Variants in FMNL1 observed in about 807,000 individuals in gnomAD.
FMNL1 encodes formin like 1, also known as formin-like protein 1.
A neutral mutation model predicts 121.3 loss-of-function variants in FMNL1; 43 were observed. That is an observed-to-expected ratio of 0.35 (90% confidence interval 0.28 to 0.46). FMNL1 has a LOEUF of 0.46. FMNL1 is among the 20% of genes least tolerant of loss of function. FMNL1 has a pLI of 1.00. For synonymous variants in FMNL1, 613 were observed against 613.5 expected (o/e 1.00, Z 0.01); for missense variants, 1,191 against 1,482.4 (o/e 0.80, Z 3.23).
At chr17:45,242,280 G>GC (rs2043723749) in intron 15 of FMNL1, 61 bp from the exon 16 acceptor site, 17 of 1,595,280 alleles carry the variant, frequency 1.1e-5, no homozygotes, top group Non-Finnish European at 1.5e-5. Context: ...CCCTCCCTGG[G>GC]CCCAGGTTCC....
At chr17:45,232,055 TCCCA>T (rs2043450373) in intron 2 of FMNL1, among the ~76,000 whole-genome samples, 1 of 152,104 alleles carries the variant, frequency 6.6e-6, no homozygotes, top group Non-Finnish European at 1.5e-5. Context: ...ACACCCGTAG[TCCCA>T]GCTACCTGGG....
rs2043698138 is a variant in FMNL1, at chr17:45,241,637, G to A, written c.1585+3G>A. ...GCCGACCGGCTCCCCCAGCCCAGGT[G>A]CGCAGGAGCTTCAGGCTGGCGGGGA... On this transcript the variant is annotated splice_donor_region_variant and intron_variant, in intron 14 of 26. Transcript: ENST00000331495. This position sits in a 1 kb window ranked among gnomAD's most constrained non-coding sequence, Gnocchi z 7.0. 6.7e-7 allele frequency: 1 copy of A among 1,496,276 alleles called. No homozygotes were observed. The highest frequency in any genetic ancestry group is 8.9e-7 in the Non-Finnish European group (1 of 1,123,136). 92.7% of individuals were successfully genotyped at this position (1,496,276 alleles called of 1,614,324 possible). A position where few individuals can be genotyped will look rare whatever the true frequency, so the allele number is the denominator to read the frequency against.
At chr17:45,228,186 G>A (rs534576398) in intron 1 of FMNL1, among the ~76,000 whole-genome samples, 4 of 152,336 alleles carry the variant, frequency 2.6e-5, no homozygotes, top group South Asian at 2.1e-4. Flanking sequence ...CTGGCTCCTC[G>A]GTGGGCACAG....
Position 45,241,964 on chromosome 17 carries a change from T to C in FMNL1, c.1703T>C (p.Leu568Pro). ...PPSAPPQAPP[L>P]PGSPEPPPAP... is the part of the protein sequence containing the mutation. ...TCTGCGCCCCCACAGGCCCCGCCTC[T>C]CCCTGGCAGCCCGGAGCCCCCGCCT... Residue 568 changes from leucine (L) to proline (P), a missense_variant, in exon 15 of 27, where the codon CTC (leucine) becomes CCC (proline). Physicochemically the swap from Leu to Pro is moderately conservative, Grantham distance 98. This residue lies in a region of FMNL1 where 519 missense variants were observed against 492.8 expected (regional missense o/e 1.05). Coordinates refer to ENST00000331495, the MANE Select transcript of FMNL1 (RefSeq NM_005892.4). The surrounding 1 kb of genome is among the most constrained non-coding windows in gnomAD (Gnocchi z 7.0). 1 of 1,309,582 alleles carries C rather than the reference T, an allele frequency of 7.6e-7. No individual in the cohort carries two copies. Among genetic ancestry groups the C allele is most frequent in the Non-Finnish European group, 9.7e-7 (1 of 1,035,408 alleles). 81.1% of individuals were successfully genotyped at this position (1,309,582 alleles called of 1,614,324 possible). A position where few individuals can be genotyped will look rare whatever the true frequency, so the allele number is the denominator to read the frequency against.
At chr17:45,229,447 G>A (rs1290131357) in intron 1 of FMNL1, among the ~76,000 whole-genome samples, 4 of 152,246 alleles carry the variant, frequency 2.6e-5, no homozygotes, top group African/African-American at 9.6e-5. Flanking sequence ...TCTCTGCAGA[G>A]CCACATGACT....
intron 1 of FMNL1, among the ~76,000 whole-genome samples, chr17:45,226,166 G>C (rs1052477939): frequency 2.6e-5 from 4 of 152,232 alleles, no homozygotes; most frequent in African/African-American, 9.6e-5. Context: ...CAGCAGTGGG[G>C]CCCAGACCGA....
At position 45,245,125 on chromosome 17, in the gene FMNL1, T is replaced by C; in HGVS notation, c.2728+17T>C. 1 of 1,613,004 alleles carries C rather than the reference T, an allele frequency of 6.2e-7. No homozygotes were observed. On this transcript the variant is annotated intron_variant, in intron 21 of 26. Transcript: ENST00000331495. ...CGGGCTCAGGTAGGAGACACACAGA[T>C]CCTTGGGTGTGGGGAGGGGCCGTGG...
Position 45,233,850 on chromosome 17 carries a change from C to T in FMNL1, c.485+119C>T. The T allele has an allele frequency of 7.1e-7, 1 of 1,415,058 alleles. No individual in the cohort carries two copies. Among genetic ancestry groups the T allele is most frequent in the Non-Finnish European group, 9.6e-7 (1 of 1,043,004 alleles). The allele number at this position is 1,415,058 out of a possible 1,614,324, so 87.7% of individuals were successfully genotyped here. ...AGGCAGCCCGAGCCTACCCTGGAACCCTCCACTTGGCCTTGAGCGATGCTC... is the reference window on the plus strand; with the variant it reads ...AGGCAGCCCGAGCCTACCCTGGAACTCTCCACTTGGCCTTGAGCGATGCTC... On this transcript the variant is annotated intron_variant, in intron 5 of 26. Transcript: ENST00000331495. The surrounding 1 kb of genome is among the most constrained non-coding windows in gnomAD (Gnocchi z 4.1).
chr17:45,236,814 AAAAT>A (rs538727376), intron 7 of FMNL1, among the ~76,000 whole-genome samples: 89 of 152,314 alleles, frequency 5.8e-4, no homozygotes, highest in Non-Finnish European at 8.2e-4. Flanking sequence ...AAAAAAATAA[AAAAT>A]AAATAAAGAG....
intron 1 of FMNL1, among the ~76,000 whole-genome samples, chr17:45,226,261 G>A (rs1392483833): frequency 6.6e-6 from 1 of 152,222 alleles, no homozygotes; most frequent in Non-Finnish European, 1.5e-5. Context: ...CGGTAGCAGT[G>A]TGCACATGGG....
At chr17:45,240,412 T>C (rs1286756143) in intron 11 of FMNL1, 64 bp from the exon 12 acceptor site, 5 of 1,471,338 alleles carry the variant, frequency 3.4e-6, no homozygotes, top group Non-Finnish European at 4.5e-6. Context: ...AGGGGGGTGG[T>C]TTGGAAAGAC....
chr17:45,239,153 T>C (rs1023995), intron 11 of FMNL1, 88 bp downstream of exon 11: 786,239 of 1,102,726 alleles, frequency 0.71, 283,296 homozygotes, highest in African/African-American at 0.92. Flanking sequence ...TGGGGTCAGG[T>C]AGACCTGGGT....
At position 45,234,104 on chromosome 17, in the gene FMNL1, C is replaced by T; in HGVS notation, c.518C>T (p.Ser173Phe). Reference sequence around the variant, plus strand: ...ATGGAGAGCACAGACAACGGGGCTTCCAACTCAGAGAAAAACAAGCCCCTG... The same window carrying T: ...ATGGAGAGCACAGACAACGGGGCTTTCAACTCAGAGAAAAACAAGCCCCTG... Reference protein sequence around the residue: ...YDMESTDNGASNSEKNKPLEQ... With the variant: ...YDMESTDNGAFNSEKNKPLEQ... Residue 173 changes from serine (S) to phenylalanine (F), a missense_variant, in exon 6 of 27, where the codon TCC (serine) becomes TTC (phenylalanine). This residue lies in a region of FMNL1 where 253 missense variants were observed against 417.5 expected (regional missense o/e 0.61). Transcript: ENST00000331495. 6.2e-7 allele frequency: 1 copy of T among 1,614,170 alleles called. No individual in the cohort carries two copies. The highest frequency in any genetic ancestry group is 8.5e-7 in the Non-Finnish European group (1 of 1,180,026).
Position 45,242,023 on chromosome 17 carries a change from C to G in FMNL1, c.1762C>G (p.Pro588Ala). The G allele has an allele frequency of 7.4e-7, 1 of 1,348,380 alleles. No individual in the cohort carries two copies. Among genetic ancestry groups the G allele is most frequent in the African/African-American group, 1.6e-5 (1 of 63,884 alleles). The allele number at this position is 1,348,380 out of a possible 1,614,324, so 83.5% of individuals were successfully genotyped here. A position where few individuals can be genotyped will look rare whatever the true frequency, so the allele number is the denominator to read the frequency against. Residue 588 changes from proline (P) to alanine (A), a missense_variant, in exon 15 of 27, where the codon CCC (proline) becomes GCC (alanine). Coordinates refer to ENST00000331495, the MANE Select transcript of FMNL1 (RefSeq NM_005892.4). ...PPLPGDLPPP[P>A]PPPPPPPGTD... ...GCTGCCCGGAGACCTGCCGCCCCCA[C>G]CCCCGCCACCGCCACCACCTCCGGG...
At chr17:45,229,551 G>A (rs1369380573) in intron 1 of FMNL1, among the ~76,000 whole-genome samples, 1 of 152,236 alleles carries the variant, frequency 6.6e-6, no homozygotes, top group African/African-American at 2.4e-5. Flanking sequence ...ATCTCCTTGA[G>A]GGCAGGAACT....
chr17:45,239,049 T>C lies in FMNL1; in HGVS notation c.1064T>C (p.Leu355Pro). The C allele has an allele frequency of 6.2e-7, 1 of 1,614,112 alleles. No homozygotes were observed. The highest frequency in any genetic ancestry group is 8.5e-7 in the Non-Finnish European group (1 of 1,179,930). Residue 355 changes from leucine (L) to proline (P), a missense_variant, in exon 11 of 27, where the codon CTG becomes CCG. By Grantham distance (98) the Leu-to-Pro change is moderately conservative. Around this residue, in one of 4 missense-constraint regions of FMNL1, gnomAD observed 519 missense variants for 492.8 expected, o/e 1.05. Transcript: ENST00000331495. ...CAATATGAGTTCACCCACTTGGGCC[T>C]GGACCTGTACTTGGAGGTAAGCCCT... ...FLQYEFTHLG[L>P]DLYLERLRLT... is the part of the protein sequence containing the mutation.
At position 45,234,208 on chromosome 17, in the gene FMNL1, G is replaced by A. The variant is rs373352953; in HGVS notation, c.614+8G>A. The A allele has an allele frequency of 3.5e-5, 57 of 1,614,002 alleles. No individual in the cohort carries two copies. In the African/African-American group the frequency reaches 6.9e-4, roughly 20 times the overall value. On this transcript the variant is annotated splice_region_variant and intron_variant, in intron 6 of 26. Coordinates refer to ENST00000331495, the MANE Select transcript of FMNL1 (RefSeq NM_005892.4). ...CCGCCACCTGACCATCAAGTATGTG[G>A]GCCACAAAGTGGGGTGGTGGGAGAA...
At position 45,233,144 on chromosome 17, in the gene FMNL1, G is replaced by A; in HGVS notation, c.328-80G>A. The A allele has an allele frequency of 6.9e-7, 1 of 1,441,030 alleles. No individual in the cohort carries two copies. The highest frequency in any genetic ancestry group is 9.5e-7 in the Non-Finnish European group (1 of 1,047,854). The allele number at this position is 1,441,030 out of a possible 1,614,324, so 89.3% of individuals were successfully genotyped here. ...TGCCAGTTGGAGGAGGGTGGGCGCT[G>A]CTGCCTGCTGCCTCAGGACTTGGTG... On this transcript the variant is annotated intron_variant, in intron 3 of 26. Transcript: ENST00000331495. The surrounding 1 kb of genome is among the most constrained non-coding windows in gnomAD (Gnocchi z 4.1).
chr17:45,245,914 G>A lies in FMNL1; in HGVS notation c.3031G>A (p.Ala1011Thr), dbSNP rs769281801. 1.3e-6 allele frequency: 2 copies of A among 1,591,574 alleles called. No homozygotes were observed. Among genetic ancestry groups the A allele is most frequent in the Non-Finnish European group, 8.5e-7 (1 of 1,172,534 alleles). The change falls in exon 24 of 27, where the codon GCC becomes ACC. Residue 1011 changes from alanine to threonine, a missense_variant. Transcript: ENST00000331495. The part of the protein sequence containing the change: ...EQEVEQWKKE[A>T]AAQEAGADTP... ...GGAGGTGGAACAGTGGAAAAAAGAA[G>A]CCGCTGCCCAGGAGGCAGGCGCTGA...
Sources: allele counts gnomAD v4.1 joint callset (sites outside exome capture counted in the v4.1 genomes callset), GRCh38; gene constraint gnomAD v4.1.1; regional missense constraint gnomAD v4.1.1; non-coding constraint Gnocchi (gnomAD v3.1); transcripts MANE v1.5; gene names NCBI Gene and HGNC (gene_info 2026-07-23, HGNC 2026-07-21).